The following CSMD1 variants were observed in gnomAD, a reference collection of about 807,000 sequenced individuals.
CSMD1 encodes the protein CUB and Sushi multiple domains 1, also known as CUB and sushi domain-containing protein 1.
Under a neutral mutation model 417.5 loss-of-function variants are expected in CSMD1, and 213 were observed. The ratio of observed to expected loss-of-function variants is 0.51; its 90% confidence interval spans 0.46 to 0.57. The LOEUF (loss-of-function observed/expected upper bound fraction) is 0.57. Among genes scored for constraint, CSMD1 ranks in the 20% least tolerant of loss-of-function variants. The pLI is 0.00. For synonymous variants in CSMD1, 2,862 were observed against 1,736.8 expected, an observed-to-expected ratio of 1.65 and a Z score of -16.11; for missense variants, 6,923 against 4,529.7, an observed-to-expected ratio of 1.53 and a Z score of -15.17.
At chr8:3,267,728 C>G (rs1801536318) in intron 26 of CSMD1, among the ~76,000 whole-genome samples, 1 of 152,134 alleles carries the variant, frequency 6.6e-6, no homozygotes, top group Non-Finnish European at 1.5e-5. Context: ...TTTGGGTTAC[C>G]CGGTGGGTGG....
intron 3 of CSMD1, among the ~76,000 whole-genome samples, chr8:4,039,971 A>T (rs958938287): frequency 6.6e-6 from 1 of 152,216 alleles, no homozygotes; most frequent in African/African-American, 2.4e-5. Context: ...AAGATATCAC[A>T]AATCAGGGCA....
chr8:3,115,057 T>C (rs901094791), intron 42 of CSMD1, among the ~76,000 whole-genome samples: 1 of 152,218 alleles, frequency 6.6e-6, no homozygotes, highest in African/African-American at 2.4e-5. Context: ...ATTTCAGTGT[T>C]AAATGATTAA....
At chr8:3,531,216 A>G (rs565859311) in intron 10 of CSMD1, among the ~76,000 whole-genome samples, 1 of 152,226 alleles carries the variant, frequency 6.6e-6, no homozygotes, top group South Asian at 2.1e-4. Flanking sequence ...ATTTAAAACA[A>G]CCTAAAATAA....
chr8:4,166,179 A>C lies in CSMD1; in HGVS notation c.416-134080T>G, dbSNP rs80198270. 1.0e-3 allele frequency among the ~76,000 whole-genome samples: 159 copies of C among 152,328 alleles called. 1 individual carries two copies. The highest frequency in any genetic ancestry group is 3.7e-3 in the African/African-American group (153 of 41,578). ...TTTAAATTTGTAGTAGTCTACTTGA[A>C]AAGCAAATGCAAAATAGTCAGTTTT... On this transcript the variant is annotated intron_variant, in intron 3 of 69. Coordinates refer to ENST00000635120, the MANE Select transcript of CSMD1 (RefSeq NM_033225.6).
At position 4,131,771 on chromosome 8, in the gene CSMD1, T is replaced by TTC. The variant is rs1195921036; in HGVS notation, c.416-99673_416-99672insGA. Among the ~76,000 whole-genome samples, 5 of 141,418 alleles carry TTC rather than the reference T, an allele frequency of 3.5e-5. 1 individual carries two copies. Among genetic ancestry groups the TTC allele is most frequent in the African/African-American group, 1.3e-4 (5 of 37,984 alleles). 92.8% of individuals were successfully genotyped at this position (141,418 alleles called of 152,430 possible). ...ACAAATGTGACTTTTTTTTTTTTTT[T>TTC]TTTTTTTTTGAGACGGAGTCTCGCT... On this transcript the variant is annotated intron_variant, in intron 3 of 69. Coordinates refer to ENST00000635120, the MANE Select transcript of CSMD1 (RefSeq NM_033225.6).
At chr8:3,900,096 G>T (rs1322657087) in intron 5 of CSMD1, among the ~76,000 whole-genome samples, 7 of 151,712 alleles carry the variant, frequency 4.6e-5, no homozygotes, top group African/African-American at 1.7e-4. Flanking sequence ...CTGTGTGATG[G>T]TGCAGCTGGT....
chr8:3,881,598 G>C (rs1236301547), intron 5 of CSMD1, among the ~76,000 whole-genome samples: 2 of 123,986 alleles, frequency 1.6e-5, no homozygotes, highest in African/African-American at 3.2e-5. Flanking sequence ...GACAGAGCAA[G>C]ACTCCATCTC....
At chr8:4,100,152 ATG>A (rs1011594153) in intron 3 of CSMD1, among the ~76,000 whole-genome samples, 9 of 152,136 alleles carry the variant, frequency 5.9e-5, no homozygotes, top group African/African-American at 2.2e-4. Flanking sequence ...CTTGGTTTTT[ATG>A]TGAGTAAAAT....
At chr8:3,634,024 T>C (rs1796913084) in intron 7 of CSMD1, among the ~76,000 whole-genome samples, 1 of 151,992 alleles carries the variant, frequency 6.6e-6, no homozygotes, top group African/African-American at 2.4e-5. Context: ...TTATCTGGGA[T>C]TACTGTCAGT....
Position 3,107,616 on chromosome 8 carries a change from G to A in CSMD1, c.6835+102C>T, listed in dbSNP as rs889905740. 4 of 647,900 alleles carry A rather than the reference G, an allele frequency of 6.2e-6. No individual in the cohort carries two copies. In the African/African-American group the frequency reaches 8.0e-5, roughly 13 times the overall value. The allele number at this position is 647,900 out of a possible 1,614,324, so 40.1% of individuals were successfully genotyped here. Reference sequence around the variant, plus strand: ...TCTTTGTTTCTGTTTTTGTTTCTCTGACAAATTACTCATTAACTTGTCTGA... The same window carrying A: ...TCTTTGTTTCTGTTTTTGTTTCTCTAACAAATTACTCATTAACTTGTCTGA... On this transcript the variant is annotated intron_variant, in intron 45 of 69. Coordinates refer to ENST00000635120, the MANE Select transcript of CSMD1 (RefSeq NM_033225.6).
At chr8:4,024,368 A>C (rs1056069481) in intron 4 of CSMD1, among the ~76,000 whole-genome samples, 1 of 152,230 alleles carries the variant, frequency 6.6e-6, no homozygotes, top group Admixed American at 6.5e-5. Context: ...CTGTGGCATA[A>C]GAGTATGGAT....
intron 6 of CSMD1, among the ~76,000 whole-genome samples, chr8:3,726,821 T>C (rs1368286553): frequency 6.6e-6 from 1 of 152,206 alleles, no homozygotes; most frequent in Non-Finnish European, 1.5e-5. Flanking sequence ...AATGTTTTAA[T>C]AATCAGTTTG....
Position 4,273,347 on chromosome 8 carries a change from A to G in CSMD1, c.415+146606T>C, listed in dbSNP as rs1200114760. On this transcript the variant is annotated intron_variant, in intron 3 of 69. Coordinates refer to ENST00000635120, the MANE Select transcript of CSMD1 (RefSeq NM_033225.6). ...GTCATGAAAGTGCTATTCCATTCAT[A>G]TTTACGGGTAATTCGAGAAATGGAT... Among the ~76,000 whole-genome samples, 4 of 152,142 alleles carry G rather than the reference A, an allele frequency of 2.6e-5. No homozygotes were observed. In the South Asian group the frequency reaches 8.3e-4, roughly 32 times the overall value.
At chr8:3,668,249 T>G (rs1476546087) in intron 7 of CSMD1, among the ~76,000 whole-genome samples, 1 of 152,196 alleles carries the variant, frequency 6.6e-6, no homozygotes, top group Non-Finnish European at 1.5e-5. Flanking sequence ...GATCTCATTC[T>G]GGGTGATGAG....
At chr8:3,181,283 T>C in intron 36 of CSMD1, 69 bp from the exon 37 acceptor site, 4 of 1,031,834 alleles carry the variant, frequency 3.9e-6, no homozygotes, top group South Asian at 1.4e-5. Context: ...ATAAAACATA[T>C]GAGAATACTT....
chr8:4,259,207 C>T (rs563845161), intron 3 of CSMD1, among the ~76,000 whole-genome samples: 180 of 152,296 alleles, frequency 1.2e-3, no homozygotes, highest in African/African-American at 3.9e-3. Context: ...CAGCCCACAA[C>T]GGCTTTCAAA....
rs543976079 is a variant in CSMD1, at chr8:3,409,602, A to G, written c.1565T>C (p.Ile522Thr). 1 of 1,578,108 alleles carries G rather than the reference A, an allele frequency of 6.3e-7. No homozygotes were observed. The highest frequency in any genetic ancestry group is 2.3e-5 in the East Asian group (1 of 43,970). ...SPGFKAVYQEIEKGGCGDPGI... is the reference protein window; with the variant it reads ...SPGFKAVYQETEKGGCGDPGI... ...AGGATCCCCACACCCTCCCTTTTCA[A>G]TTTCTGAAAATGGAAAAACAAATGA... The change falls in exon 13 of 70, where the codon ATT (isoleucine) becomes ACT (threonine). Residue 522 changes from isoleucine (I) to threonine (T), a missense_variant. Transcript: ENST00000635120.
At chr8:4,035,951 G>A (rs1434632600) in intron 3 of CSMD1, among the ~76,000 whole-genome samples, 3 of 152,076 alleles carry the variant, frequency 2.0e-5, no homozygotes, top group African/African-American at 2.4e-5. Context: ...CTCTATTCAC[G>A]GTAAGTGTCC....
chr8:4,839,514 G>C (rs1800710626), intron 1 of CSMD1, among the ~76,000 whole-genome samples: 1 of 151,914 alleles, frequency 6.6e-6, no homozygotes. Context: ...ATTTTTTCTG[G>C]GGCTCTGGGA....
Sources: allele counts gnomAD v4.1 joint callset (sites outside exome capture counted in the v4.1 genomes callset), GRCh38; gene constraint gnomAD v4.1.1; transcripts MANE v1.5; gene names NCBI Gene and HGNC (gene_info 2026-07-23, HGNC 2026-07-21).